The following ATG2B variants were observed in gnomAD, a reference collection of about 807,000 sequenced individuals.
ATG2B encodes the protein autophagy related 2B, also known as autophagy-related protein 2 homolog B.
In ATG2B, 121 loss-of-function variants were observed where a neutral mutation model predicts 241.3. The ratio of observed to expected loss-of-function variants is 0.50; its 90% CI spans 0.43 to 0.58. ATG2B has a LOEUF of 0.58. Among genes scored for constraint, ATG2B ranks in the 20% least tolerant of loss-of-function variants. The pLI is 0.00. For missense variants in ATG2B, 2,306 were observed against 2,491.6 expected (o/e 0.93, Z 1.59); for synonymous variants, 858 against 876.6 (o/e 0.98, Z 0.37).
At chr14:96,316,712 G>A (rs1383336697) in intron 20 of ATG2B, 29 bp from the exon 21 acceptor site, 2 of 1,584,522 alleles carry the variant, frequency 1.3e-6, no homozygotes. Context: ...AAACACAGAA[G>A]TTATTACTTA....
intron 5 of ATG2B, among the ~76,000 whole-genome samples, chr14:96,342,542 C>T (rs577825037): frequency 5.9e-5 from 9 of 151,754 alleles, no homozygotes; most frequent in African/African-American, 1.7e-4. Flanking sequence ...GCCAACGTTG[C>T]GAAACCCCGT....
chr14:96,363,180 G>A lies in ATG2B; in HGVS notation c.-204C>T, dbSNP rs147064824. 5.2e-6 allele frequency: 3 copies of A among 573,070 alleles called. No individual in the cohort carries two copies. Among genetic ancestry groups the A allele is most frequent in the Non-Finnish European group, 9.2e-6 (3 of 324,390 alleles). 35.5% of individuals were successfully genotyped at this position (573,070 alleles called of 1,614,324 possible). A position where few individuals can be genotyped will look rare whatever the true frequency, so the allele number is the denominator to read the frequency against. On this transcript the variant is annotated 5_prime_UTR_variant, in exon 1 of 42. Coordinates refer to ENST00000359933, the MANE Select transcript of ATG2B (RefSeq NM_018036.7). ...GGCCTGGCGGAGGCAAGACGCAGAG[G>A]GGTCCTCCTGGCCCCAGGCCAGGGG... is the stretch of plus-strand genomic sequence containing the variant.
intron 18 of ATG2B, among the ~76,000 whole-genome samples, chr14:96,320,471 G>A (rs904292481): frequency 6.6e-6 from 1 of 151,756 alleles, no homozygotes; most frequent in African/African-American, 2.4e-5. Context: ...AATGCCTTCT[G>A]GGTACACTTT....
chr14:96,329,442 G>T, intron 12 of ATG2B, 42 bp downstream of exon 12: 1 of 1,402,444 alleles, frequency 7.1e-7, no homozygotes. Flanking sequence ...AAGCAAGGTA[G>T]ATTTAAAAAA....
In ATG2B at chr14:96,332,547, C is replaced by T. The variant is rs762140657; in HGVS notation, c.1316G>A (p.Ser439Asn). 6.2e-7 allele frequency: 1 copy of T among 1,611,366 alleles called. No homozygotes were observed. Among genetic ancestry groups the T allele is most frequent in the East Asian group, 2.2e-5 (1 of 44,846 alleles). The change falls in exon 9 of 42, where the codon AGT becomes AAT. Residue 439 changes from serine (S) to asparagine (N), a missense_variant. Ser to Asn is a conservative substitution (Grantham distance 46, BLOSUM62 1). Transcript: ENST00000359933. ...PNMDLELSLT[S>N]TYTNTPAGSP... Reference sequence around the variant, plus strand: ...TCCTGCTGGGGTATTTGTATATGTACTAGTTAATGATAACTCAAGGTCCAT... The same window carrying T: ...TCCTGCTGGGGTATTTGTATATGTATTAGTTAATGATAACTCAAGGTCCAT...
Position 96,306,824 on chromosome 14 carries a change from C to T in ATG2B, c.4396G>A (p.Gly1466Ser), listed in dbSNP as rs752638073. 4.3e-6 allele frequency: 7 copies of T among 1,613,872 alleles called. No homozygotes were observed. Among genetic ancestry groups the T allele is most frequent in the East Asian group, 2.2e-5 (1 of 44,886 alleles). ...DESGNVSQES[G>S]PTYASFSHHF... ...TGAGAGAATGAGGCATAGGTGGGGC[C>T]GGACTCCTGGGATACATTCCCACTC... Residue 1466 changes from glycine to serine, a missense_variant, in exon 30 of 42, where the codon GGC becomes AGC. Physicochemically the swap from Gly to Ser is moderately conservative, Grantham distance 56. Around this residue, in one of 2 missense-constraint regions of ATG2B, gnomAD observed 1,927 missense variants for 2,011.2 expected, o/e 0.96. Transcript: ENST00000359933.
intron 6 of ATG2B, among the ~76,000 whole-genome samples, 190 bp downstream of exon 6, chr14:96,341,332 A>T (rs1888028689): frequency 6.6e-6 from 1 of 152,218 alleles, no homozygotes; most frequent in Non-Finnish European, 1.5e-5. Flanking sequence ...AGTAGGGCAA[A>T]GGCAGTCCTC....
In ATG2B at chr14:96,290,735, C is replaced by A; in HGVS notation, c.5701+79G>T. The A allele has an allele frequency of 1.3e-6, 2 of 1,552,846 alleles. No individual in the cohort carries two copies. Among genetic ancestry groups the A allele is most frequent in the Non-Finnish European group, 1.7e-6 (2 of 1,145,456 alleles). ...GTGAGTTTTCTAGACTAATGGTCCT[C>A]ACATAAGTTCTCAAAGGGATAAGAA... is the stretch of plus-strand genomic sequence containing the variant. On this transcript the variant is annotated intron_variant, in intron 39 of 41. Transcript: ENST00000359933. The surrounding 1 kb of genome is among the most constrained non-coding windows in gnomAD (Gnocchi z 4.4).
At chr14:96,330,886 C>T (rs906402518) in intron 11 of ATG2B, among the ~76,000 whole-genome samples, 1 of 152,228 alleles carries the variant, frequency 6.6e-6, no homozygotes, top group Non-Finnish European at 1.5e-5. Context: ...TTTGATTTTT[C>T]TTAAGCAGAA....
chr14:96,286,977 C>T (rs774787073), intron 41 of ATG2B, among the ~76,000 whole-genome samples: 21 of 152,142 alleles, frequency 1.4e-4, no homozygotes, highest in Non-Finnish European at 2.6e-4. Flanking sequence ...TCCAGAAGGC[C>T]GGGCGCGGTG....
At chr14:96,308,282 ATTTTTT>A (rs71731196) in intron 29 of ATG2B, among the ~76,000 whole-genome samples, 1 of 37,034 alleles carries the variant, frequency 2.7e-5, no homozygotes, top group African/African-American at 1.0e-4. Context: ...ATATATATAT[ATTTTTT>A]TTTTTTTTTT....
In ATG2B at chr14:96,329,545, A is replaced by G. The variant is rs1303240303; in HGVS notation, c.1820T>C (p.Met607Thr). Residue 607 changes from methionine to threonine, a missense_variant, in exon 12 of 42, where the codon ATG (methionine) becomes ACG (threonine). Met to Thr is a moderately conservative substitution (Grantham distance 81, BLOSUM62 -1). This residue lies in a region of ATG2B where 1,927 missense variants were observed against 2,011.2 expected (regional missense o/e 0.96). Coordinates refer to ENST00000359933, the MANE Select transcript of ATG2B (RefSeq NM_018036.7). Reference protein sequence around the residue: ...YFSTDMSIGQMEFLECLFPTD... With the variant: ...YFSTDMSIGQTEFLECLFPTD... ...TGGAAATAGGCACTCCAAAAATTCC[A>G]TTTGCCCAATGGACATATCAGTACT... is the stretch of plus-strand genomic sequence containing the variant. 6.2e-7 allele frequency: 1 copy of G among 1,612,930 alleles called. No individual in the cohort carries two copies. The highest frequency in any genetic ancestry group is 8.5e-7 in the Non-Finnish European group (1 of 1,179,152).
chr14:96,340,157 A>G (rs1220585163), intron 6 of ATG2B, among the ~76,000 whole-genome samples: 4 of 77,156 alleles, frequency 5.2e-5, no homozygotes, highest in African/African-American at 1.8e-4. Flanking sequence ...GAATATATAT[A>G]TCATATATGA....
At chr14:96,294,808 T>C (rs1886584532) in intron 36 of ATG2B, 152 bp downstream of exon 36, 1 of 673,546 alleles carries the variant, frequency 1.5e-6, no homozygotes, top group South Asian at 2.0e-5. Context: ...TGCAATTAGA[T>C]GGGGACCACA....
intron 1 of ATG2B, among the ~76,000 whole-genome samples, chr14:96,353,119 G>T (rs185090108): frequency 1.4e-4 from 22 of 152,208 alleles, no homozygotes; most frequent in African/African-American, 4.6e-4. Flanking sequence ...TGCTGTGCAG[G>T]TGTATAGCCT....
chr14:96,354,409 G>T (rs1245481489), intron 1 of ATG2B, among the ~76,000 whole-genome samples: 2 of 152,148 alleles, frequency 1.3e-5, no homozygotes, highest in African/African-American at 4.8e-5. Context: ...GTCTGCCAAG[G>T]ATAACGGCTT....
chr14:96,304,462 T>G (rs781686891), intron 32 of ATG2B, 33 bp downstream of exon 32: 2 of 1,543,186 alleles, frequency 1.3e-6, no homozygotes. Context: ...AATATCCTAC[T>G]TAAGTGGATT....
intron 41 of ATG2B, among the ~76,000 whole-genome samples, chr14:96,287,249 G>A (rs549525832): frequency 2.4e-3 from 104 of 43,194 alleles, no homozygotes; most frequent in African/African-American, 0.012. Context: ...GCGAGACTCC[G>A]TCTCAAAAAA....
intron 16 of ATG2B, among the ~76,000 whole-genome samples, chr14:96,323,382 C>A (rs2139871505): frequency 1.3e-5 from 2 of 152,296 alleles, no homozygotes; most frequent in South Asian, 4.1e-4. Context: ...ACTTTTCATT[C>A]TCCTTTGATT....
Sources: gnomAD v4.1 joint callset for allele counts (sites outside exome capture counted in the v4.1 genomes callset) on GRCh38, gnomAD v4.1.1 for gene constraint, gnomAD v4.1.1 regional missense constraint, Gnocchi (gnomAD v3.1) non-coding constraint, MANE v1.5 for transcripts, NCBI Gene and HGNC (gene_info 2026-07-23, HGNC 2026-07-21) for gene names.